Variants in SCAF4 observed in about 807,000 individuals in gnomAD.
SCAF4 encodes the protein SR-related CTD associated factor 4.
Under a neutral mutation model 129.8 loss-of-function variants are expected in SCAF4, and 25 were observed. That is an observed-to-expected ratio of 0.19 (90% CI 0.14 to 0.27). The LOEUF is 0.27. SCAF4 is among the 10% of genes least tolerant of loss of function. The probability of loss-of-function intolerance (pLI) is 1.00; values close to 1 mark genes in which losing one functional copy is unlikely to be tolerated. For missense variants in SCAF4, 1,246 were observed against 1,457.1 expected (o/e 0.86, Z 2.36); for synonymous variants, 551 against 497.7 (o/e 1.11, Z -1.43).
intron 6 of SCAF4, among the ~76,000 whole-genome samples, 182 bp from the exon 7 acceptor site, chr21:31,701,353 G>A (rs1462774460): frequency 2.6e-5 from 4 of 152,158 alleles, no homozygotes; most frequent in African/African-American, 7.2e-5. Flanking sequence ...GATATAATGT[G>A]CATTTCTTAA....
intron 19 of SCAF4, among the ~76,000 whole-genome samples, chr21:31,680,286 A>C (rs1224633733): frequency 6.6e-6 from 1 of 152,222 alleles, no homozygotes; most frequent in Non-Finnish European, 1.5e-5. Flanking sequence ...CTTGGGAGAA[A>C]CTATGGTGTG....
intron 10 of SCAF4, 37 bp from the exon 11 acceptor site, chr21:31,694,326 A>T (rs560412058): frequency 4.7e-5 from 61 of 1,295,052 alleles, no homozygotes; most frequent in Middle Eastern, 2.1e-4. Flanking sequence ...TGAGAAATTT[A>T]AAAAGTATAA....
At chr21:31,700,843 A>G in intron 7 of SCAF4, 152 bp downstream of exon 7, 1 of 922,078 alleles carries the variant, frequency 1.1e-6, no homozygotes, top group Non-Finnish European at 1.7e-6. Flanking sequence ...AAACCAGGGA[A>G]AATAATCGAT....
intron 13 of SCAF4, 122 bp downstream of exon 13, chr21:31,692,227 C>A: frequency 1.4e-6 from 1 of 690,204 alleles, no homozygotes; most frequent in South Asian, 1.7e-5. Flanking sequence ...CTCTGAACAC[C>A]TAAATTCTAG....
In SCAF4 at chr21:31,685,491, T is replaced by C. The variant is rs541723538; in HGVS notation, c.2210-7A>G. On this transcript the variant is annotated splice_polypyrimidine_tract_variant and splice_region_variant and intron_variant, in intron 17 of 19. Transcript: ENST00000286835. The stretch of plus-strand genomic sequence containing the variant: ...GGTCCAGGAGGCAGAAAACCTAGAA[T>C]AAGAAAAATAATGTCAACTTATGCT... 136 of 1,612,922 alleles carry C rather than the reference T, an allele frequency of 8.4e-5. No homozygotes were observed. Among genetic ancestry groups the C allele is most frequent in the Non-Finnish European group, 1.1e-4 (125 of 1,179,412 alleles).
chr21:31,717,868 C>CAT (rs1335097578), intron 1 of SCAF4, among the ~76,000 whole-genome samples: 1,298 of 120,990 alleles, frequency 0.011, 52 homozygotes, highest in Admixed American at 0.058. Flanking sequence ...CACACACACA[C>CAT]ACATATACAC....
intron 15 of SCAF4, among the ~76,000 whole-genome samples, 193 bp downstream of exon 15, chr21:31,690,604 A>T (rs2050236774): frequency 6.6e-6 from 1 of 152,236 alleles, no homozygotes; most frequent in African/African-American, 2.4e-5. Context: ...TCAGTTAAGT[A>T]TTTCACTTGT....
rs79707290 is a variant in SCAF4 at position 31,730,496 on chromosome 21, C to A, written c.30+1167G>T. On this transcript the variant is annotated intron_variant, in intron 1 of 19. Transcript: ENST00000286835. ...TCCCATATATTATGGCACTGCAAAT[C>A]TAAAGGAAAGTTATTGCACCATAAT... is the stretch of plus-strand genomic sequence containing the variant. Among the ~76,000 whole-genome samples the A allele has an allele frequency of 4.9e-3, 744 of 152,262 alleles. 7 individuals are homozygous for A. The highest frequency in any genetic ancestry group is 0.017 in the African/African-American group (701 of 41,544).
chr21:31,716,791 G>A (rs918622348), intron 1 of SCAF4, among the ~76,000 whole-genome samples: 48 of 152,004 alleles, frequency 3.2e-4, no homozygotes, highest in Admixed American at 3.1e-3. Flanking sequence ...GTGTGTCTGG[G>A]TTAATACTTT....
At chr21:31,706,633 T>G in intron 1 of SCAF4, 1 of 404,470 alleles carries the variant, frequency 2.5e-6, no homozygotes, top group East Asian at 4.7e-5. Flanking sequence ...GCAATCGGCA[T>G]GGCTGTCAGC....
At chr21:31,720,889 C>T (rs180686429) in intron 1 of SCAF4, among the ~76,000 whole-genome samples, 2 of 152,178 alleles carry the variant, frequency 1.3e-5, no homozygotes, top group African/African-American at 4.8e-5. Context: ...ATGCAGAGGC[C>T]GCTAGATAGT....
At chr21:31,719,291 A>C (rs947856420) in intron 1 of SCAF4, among the ~76,000 whole-genome samples, 23 of 148,094 alleles carry the variant, frequency 1.6e-4, no homozygotes, top group African/African-American at 4.6e-4. Context: ...ACTCTGTCCC[A>C]AAAAAAAACA....
intron 1 of SCAF4, among the ~76,000 whole-genome samples, chr21:31,713,573 A>G (rs1171187052): frequency 1.3e-5 from 2 of 152,240 alleles, no homozygotes; most frequent in Admixed American, 6.5e-5. Context: ...AATGAATTAC[A>G]TAATTCCTAC....
chr21:31,723,522 T>C (rs1181458805), intron 1 of SCAF4, among the ~76,000 whole-genome samples: 1 of 152,158 alleles, frequency 6.6e-6, no homozygotes, highest in Non-Finnish European at 1.5e-5. Context: ...GTATTCATTA[T>C]TGTGACATAT....
chr21:31,680,645 A>G (rs746568146), intron 19 of SCAF4, among the ~76,000 whole-genome samples: 14 of 152,220 alleles, frequency 9.2e-5, no homozygotes, highest in Non-Finnish European at 1.9e-4. Flanking sequence ...TTTTTAAAAA[A>G]TTACGTATTA....
rs748520017 is a variant in SCAF4 at position 31,694,916 on chromosome 21, G to T, written c.1133C>A (p.Pro378His). 6.2e-7 allele frequency: 1 copy of T among 1,614,064 alleles called. No individual in the cohort carries two copies. Among genetic ancestry groups the T allele is most frequent in the Non-Finnish European group, 8.5e-7 (1 of 1,179,904 alleles). Residue 378 changes from proline (P) to histidine (H), a missense_variant, in exon 10 of 20, where the codon CCC (proline) becomes CAC (histidine). Around this residue, in one of 6 missense-constraint regions of SCAF4, gnomAD observed 236 missense variants for 210.0 expected, o/e 1.12. Transcript: ENST00000286835. ...TGGAGGAATCACAGGCTGAGCCATG[G>T]GAGGAAATGGAGGTGTAGGAAGAAG... ...FGLLPTPPFP[P>H]MAQPVIPPTP...
At chr21:31,698,161 G>C (rs1236972223) in intron 7 of SCAF4, among the ~76,000 whole-genome samples, 2 of 152,062 alleles carry the variant, frequency 1.3e-5, no homozygotes. Flanking sequence ...AATACTTAAA[G>C]CAATTAAAAA....
Position 31,671,733 on chromosome 21 carries a change from C to G in SCAF4, c.3110G>C (p.Ser1037Thr), listed in dbSNP as rs1388555825. The G allele has an allele frequency of 1.3e-5, 21 of 1,613,836 alleles. No individual in the cohort carries two copies. The highest frequency in any genetic ancestry group is 4.0e-5 in the African/African-American group (3 of 74,920). ...GTCTCTGTGCCTGTCCCGGTCAGGG[C>G]TCCTCCTTCCCCACTCTCTCCTGTC... ...NRDRREWGRR[S>T]PDRDRHRDLE... The change falls in exon 20 of 20, where the codon AGC becomes ACC. Residue 1037 changes from serine to threonine, a missense_variant. Physicochemically the swap from Ser to Thr is moderately conservative, Grantham distance 58 (BLOSUM62 1). Around this residue, in one of 6 missense-constraint regions of SCAF4, gnomAD observed 339 missense variants for 325.0 expected, o/e 1.04. Coordinates refer to ENST00000286835, the MANE Select transcript of SCAF4 (RefSeq NM_020706.2).
At chr21:31,687,281 T>C (rs2123508343) in intron 16 of SCAF4, among the ~76,000 whole-genome samples, 1 of 152,288 alleles carries the variant, frequency 6.6e-6, no homozygotes, top group Admixed American at 6.5e-5. Flanking sequence ...TCGGCCCTTA[T>C]GACGTGACAA....
Sources: gnomAD v4.1 joint callset for allele counts (sites outside exome capture counted in the v4.1 genomes callset) on GRCh38, gnomAD v4.1.1 for gene constraint, gnomAD v4.1.1 regional missense constraint, MANE v1.5 for transcripts, NCBI Gene and HGNC (gene_info 2026-07-23, HGNC 2026-07-21) for gene names.